The following ADGRB3 variants were observed in gnomAD, a reference collection of about 807,000 sequenced individuals.
ADGRB3 encodes adhesion G protein-coupled receptor B3, also known as brain-specific angiogenesis inhibitor 3.
ADGRB3 carries 37 observed loss-of-function variants against 193.4 expected under a neutral mutation model. The ratio of observed to expected loss-of-function variants is 0.19; its 90% CI spans 0.15 to 0.25. The LOEUF (loss-of-function observed/expected upper bound fraction) is 0.25, where lower values mean the gene tolerates loss of function less well. Ranked by LOEUF, ADGRB3 falls within the 10% of genes least tolerant of loss-of-function variation. The pLI is 1.00. For missense variants in ADGRB3, 1,637 were observed against 1,852.9 expected, an observed-to-expected ratio of 0.88 and a Z score of 2.14; for synonymous variants, 690 against 644.2, an observed-to-expected ratio of 1.07 and a Z score of -1.08.
chr6:68,890,014 A>C (rs1450089951), intron 3 of ADGRB3, among the ~76,000 whole-genome samples: 1 of 152,218 alleles, frequency 6.6e-6, no homozygotes, highest in African/African-American at 2.4e-5. Context: ...GAATTTCAAA[A>C]TATTTCAAAT....
intron 17 of ADGRB3, among the ~76,000 whole-genome samples, chr6:69,177,379 CAG>C (rs1270653865): frequency 6.6e-6 from 1 of 151,278 alleles, no homozygotes; most frequent in Admixed American, 6.6e-5. Context: ...TTTTTTTAGA[CAG>C]AGTCTTGCTC....
Position 69,164,746 on chromosome 6 carries a change from C to T in ADGRB3, c.2481-68544C>T, listed in dbSNP as rs547525397. 2.0e-5 allele frequency among the ~76,000 whole-genome samples: 3 copies of T among 152,190 alleles called. No individual in the cohort carries two copies. In the South Asian group the frequency reaches 6.2e-4, roughly 32 times the overall value. On this transcript the variant is annotated intron_variant, in intron 17 of 31. Coordinates refer to ENST00000370598, the MANE Select transcript of ADGRB3 (RefSeq NM_001704.3). ...TTAGAAGACAGTGAAATGAATGAGA[C>T]AGCGTCCGTGAACTCTGGGAACCTC... is the stretch of plus-strand genomic sequence containing the variant.
intron 17 of ADGRB3, among the ~76,000 whole-genome samples, chr6:69,090,592 G>A (rs1003767689): frequency 5.3e-5 from 8 of 152,054 alleles, no homozygotes; most frequent in South Asian, 2.1e-4. Flanking sequence ...CAAAATGTTG[G>A]TACTGGGGAC....
chr6:68,767,195 A>G (rs9351737), intron 3 of ADGRB3, among the ~76,000 whole-genome samples: 1,810 of 152,236 alleles, frequency 0.012, 62 homozygotes, highest in East Asian at 0.087. Flanking sequence ...GGCCAAATCA[A>G]TTTTTTAAGT....
rs1562133342 is a variant in ADGRB3 at position 69,040,392 on chromosome 6, T to TTTCCTTCC, written c.2108-7786_2108-7785insCTTCCTTC. Among the ~76,000 whole-genome samples, 7 of 147,308 alleles carry TTTCCTTCC rather than the reference T, an allele frequency of 4.8e-5. No individual in the cohort carries two copies. In the East Asian group the frequency reaches 1.2e-3, roughly 25 times the overall value. On this transcript the variant is annotated intron_variant, in intron 13 of 31. Coordinates refer to ENST00000370598, the MANE Select transcript of ADGRB3 (RefSeq NM_001704.3). ...TTCTTTCTTTCCTTCTCTCTCTTTCTTTCCTTCACGCAGGTGACTCCATTT... is the reference window on the plus strand; with the variant it reads ...TTCTTTCTTTCCTTCTCTCTCTTTCTTTCCTTCCTTCCTTCACGCAGGTGACTCCATTT...
chr6:69,058,683 T>C (rs1454836071), intron 15 of ADGRB3, among the ~76,000 whole-genome samples: 1 of 152,112 alleles, frequency 6.6e-6, no homozygotes, highest in African/African-American at 2.4e-5. Flanking sequence ...CAATATTTCT[T>C]GTGATTTCTT....
chr6:68,653,189 C>T (rs979424957), intron 3 of ADGRB3, among the ~76,000 whole-genome samples: 24 of 152,128 alleles, frequency 1.6e-4, no homozygotes, highest in Non-Finnish European at 3.1e-4. Context: ...TCTTAAGTGA[C>T]TAAAATGAGA....
At chr6:68,884,199 C>T (rs1400318703) in intron 3 of ADGRB3, among the ~76,000 whole-genome samples, 3 of 152,146 alleles carry the variant, frequency 2.0e-5, no homozygotes, top group African/African-American at 7.2e-5. Flanking sequence ...TCTTTCACTT[C>T]CTTAGTAGGT....
At chr6:69,031,519 C>CTTTCTTTCTTTCTT (rs1554248703) in intron 13 of ADGRB3, among the ~76,000 whole-genome samples, 1 of 21,270 alleles carries the variant, frequency 4.7e-5, no homozygotes, top group Admixed American at 5.8e-4. Flanking sequence ...TTTGAGTTGT[C>CTTTCTTTCTTTCTT]TCTTTCTTTC....
intron 11 of ADGRB3, among the ~76,000 whole-genome samples, chr6:69,011,473 T>C (rs1000283567): frequency 4.6e-5 from 7 of 151,636 alleles, no homozygotes; most frequent in Non-Finnish European, 7.4e-5. Context: ...TGGGGACTAA[T>C]AGAGTGGGGA....
At chr6:69,019,268 A>G (rs997758975) in intron 13 of ADGRB3, among the ~76,000 whole-genome samples, 1 of 151,994 alleles carries the variant, frequency 6.6e-6, no homozygotes, top group African/African-American at 2.4e-5. Context: ...CATTTGTCAT[A>G]CTTTAATACT....
In ADGRB3 at chr6:69,049,327, C is replaced by T. The variant is rs1298602235; in HGVS notation, c.2314C>T (p.Leu772=). The T allele has an allele frequency of 1.9e-6, 3 of 1,607,438 alleles. No homozygotes were observed. The highest frequency in any genetic ancestry group is 2.6e-6 in the Non-Finnish European group (3 of 1,176,160). ...LGAVLYKNLD[L]ILPTLRNYTV... is the part of the protein sequence containing the mutation. ...CGCAGTCCTATACAAAAACTTAGAT[C>T]TAATTTTGCCCACTTTGAGGTAAGC... Residue 772 remains leucine (L), a synonymous_variant, in exon 15 of 32, where the codon CTA becomes TTA. Transcript: ENST00000370598.
intron 20 of ADGRB3, among the ~76,000 whole-genome samples, chr6:69,281,777 G>T (rs193098003): frequency 6.6e-6 from 1 of 152,320 alleles, no homozygotes; most frequent in Admixed American, 6.5e-5. Flanking sequence ...ATTACTCTGT[G>T]TTGGGTGCCA....
At chr6:69,227,344 T>C (rs965590430) in intron 17 of ADGRB3, among the ~76,000 whole-genome samples, 2 of 152,192 alleles carry the variant, frequency 1.3e-5, no homozygotes, top group East Asian at 3.9e-4. Flanking sequence ...CCATTATAAG[T>C]AGACCTTTGT....
Position 69,388,771 on chromosome 6 carries a change from C to G in ADGRB3, c.4449C>G (p.Thr1483=), listed in dbSNP as rs1257210207. Reference sequence around the variant, plus strand: ...ACCCCAGTGAATACCCGCATTACACCACAATCAATGTCTTAGACACAGAGG... The same window carrying G: ...ACCCCAGTGAATACCCGCATTACACGACAATCAATGTCTTAGACACAGAGG... ...FKNPSEYPHY[T]TINVLDTEAK... is the part of the protein sequence containing the mutation. Residue 1483 remains threonine (T), a synonymous_variant, in exon 32 of 32, where the codon ACC becomes ACG. Transcript: ENST00000370598. 6.2e-7 allele frequency: 1 copy of G among 1,613,340 alleles called. No homozygotes were observed. Among genetic ancestry groups the G allele is most frequent in the Non-Finnish European group, 8.5e-7 (1 of 1,179,666 alleles).
chr6:68,770,340 C>T (rs1274718781), intron 3 of ADGRB3, among the ~76,000 whole-genome samples: 2 of 152,122 alleles, frequency 1.3e-5, no homozygotes, highest in Admixed American at 6.6e-5. Context: ...CGTCACTTTG[C>T]ACATTATTTG....
chr6:68,806,695 T>G (rs1767407376), intron 3 of ADGRB3, among the ~76,000 whole-genome samples: 1 of 151,770 alleles, frequency 6.6e-6, no homozygotes, highest in African/African-American at 2.4e-5. Context: ...AATAAGAATA[T>G]GTATTTTACA....
At chr6:69,000,296 CA>C (rs1417773914) in intron 11 of ADGRB3, among the ~76,000 whole-genome samples, 1 of 152,164 alleles carries the variant, frequency 6.6e-6, no homozygotes, top group Non-Finnish European at 1.5e-5. Flanking sequence ...ACCATTGCTC[CA>C]AAGGGAAATA....
At chr6:68,735,916 A>G (rs1345089238) in intron 3 of ADGRB3, among the ~76,000 whole-genome samples, 1 of 152,170 alleles carries the variant, frequency 6.6e-6, no homozygotes, top group East Asian at 1.9e-4. Flanking sequence ...GCTACAAAAT[A>G]TTTTATTACA....
Sources: gnomAD v4.1 joint callset for allele counts (sites outside exome capture counted in the v4.1 genomes callset) on GRCh38, gnomAD v4.1.1 for gene constraint, MANE v1.5 for transcripts, NCBI Gene and HGNC (gene_info 2026-07-23, HGNC 2026-07-21) for gene names.